SMPX: variants seen among roughly 807,000 people sequenced by gnomAD.
SMPX encodes small muscular protein.
A neutral mutation model predicts 6.3 loss-of-function variants in SMPX; 2 were observed. The ratio of observed to expected loss-of-function variants is 0.32; its 90% confidence interval spans 0.13 to 0.99. The LOEUF is 0.99. Ranked by LOEUF, SMPX falls within the 50% of genes least tolerant of loss-of-function variation. The pLI is 0.49. For missense variants in SMPX, 60 were observed against 66.8 expected (o/e 0.90, Z 0.36); for synonymous variants, 32 against 24.7 (o/e 1.30, Z -0.88).
chrX:21,728,902 T>C (rs1167207470), intron 4 of SMPX, among the ~76,000 whole-genome samples: 4 of 112,337 alleles, frequency 3.6e-5, no homozygotes, highest in Non-Finnish European at 7.5e-5. Context: ...ACCAGGCATA[T>C]CACAAGCATA....
intron 3 of SMPX, among the ~76,000 whole-genome samples, chrX:21,742,000 G>C (rs1043461929): frequency 8.9e-6 from 1 of 112,009 alleles, no homozygotes; most frequent in African/African-American, 3.3e-5. Context: ...TGCTTCCCCA[G>C]TCCCCTGAGA....
intron 2 of SMPX, among the ~76,000 whole-genome samples, chrX:21,746,100 G>T (rs1036575628): frequency 1.1e-4 from 12 of 111,558 alleles, no homozygotes; most frequent in African/African-American, 3.6e-4. Flanking sequence ...GTCCCCATTT[G>T]TAATATGAAT....
intron 1 of SMPX, 102 bp downstream of exon 1, chrX:21,757,840 C>T: frequency 3.5e-6 from 1 of 286,581 alleles, no homozygotes; most frequent in Non-Finnish European, 6.7e-6. Context: ...GCTACACCCA[C>T]TGGTTACAAG....
At chrX:21,715,028 C>T (rs1300865612) in intron 4 of SMPX, among the ~76,000 whole-genome samples, 1 of 110,375 alleles carries the variant, frequency 9.1e-6, no homozygotes, top group Non-Finnish European at 1.9e-5. Context: ...AAAAAGCTGC[C>T]GGGGGAAGTT....
intron 2 of SMPX, among the ~76,000 whole-genome samples, chrX:21,749,653 G>C (rs2092825309): frequency 8.9e-6 from 1 of 111,920 alleles, no homozygotes; most frequent in African/African-American, 3.2e-5. Flanking sequence ...TAATCCTGGG[G>C]GAGTTACTTC....
intron 2 of SMPX, among the ~76,000 whole-genome samples, chrX:21,749,271 G>T (rs768557670): frequency 8.9e-6 from 1 of 112,313 alleles, no homozygotes; most frequent in Non-Finnish European, 1.9e-5. Context: ...ATGGTTGTTT[G>T]AATTTCAAGA....
intron 2 of SMPX, among the ~76,000 whole-genome samples, chrX:21,744,231 C>T (rs922969464): frequency 4.5e-5 from 5 of 111,522 alleles, no homozygotes; most frequent in Admixed American, 1.9e-4. Context: ...TCATCCCACA[C>T]CTTAGCCCTC....
chrX:21,711,703 C>T (rs2092778949), intron 4 of SMPX, among the ~76,000 whole-genome samples: 2 of 111,808 alleles, frequency 1.8e-5, no homozygotes, highest in Non-Finnish European at 3.8e-5. Flanking sequence ...GGAGTCCACT[C>T]AACACTTGTC....
At chrX:21,735,055 G>A (rs920686172) in intron 4 of SMPX, among the ~76,000 whole-genome samples, 5 of 111,124 alleles carry the variant, frequency 4.5e-5, no homozygotes, top group African/African-American at 1.6e-4. Context: ...GACAACACAG[G>A]GTGAGGGTGG....
chrX:21,726,482 T>C (rs1406153584), intron 4 of SMPX, among the ~76,000 whole-genome samples: 1 of 112,451 alleles, frequency 8.9e-6, no homozygotes, highest in Non-Finnish European at 1.9e-5. Flanking sequence ...TGCTAATAGA[T>C]AGGGGATCTT....
In SMPX at chrX:21,743,752, C is replaced by A. The variant is rs2147390451; in HGVS notation, c.130G>T (p.Glu44Ter). ...RRKECTPEVE[E>*]GVPPTSDEEK... The stretch of plus-strand genomic sequence containing the variant: ...TCTGAGAGCTGAGTTTTCCTCACCT[C>A]CTCCACTTCAGGAGTACATTCTTTT... Residue 44 changes from glutamate (E) to a stop codon, truncating the protein, a stop_gained and splice_region_variant, in exon 3 of 5, where the codon GAG becomes TAG. Coordinates refer to ENST00000379494, the MANE Select transcript of SMPX (RefSeq NM_014332.3). LOFTEE classifies it high-confidence loss of function. 1 of 1,202,021 alleles carries A rather than the reference C, an allele frequency of 8.3e-7. No homozygotes were observed. Among genetic ancestry groups the A allele is most frequent in the Non-Finnish European group, 1.1e-6 (1 of 886,791 alleles).
intron 4 of SMPX, among the ~76,000 whole-genome samples, chrX:21,720,374 G>A (rs1233135998): frequency 8.9e-6 from 1 of 112,128 alleles, no homozygotes; most frequent in Non-Finnish European, 1.9e-5. Context: ...GAGCCATCCT[G>A]GAAGTAGATC....
chrX:21,714,749 TC>T (rs1185237778), intron 4 of SMPX, among the ~76,000 whole-genome samples: 7 of 112,709 alleles, frequency 6.2e-5, no homozygotes, highest in Non-Finnish European at 1.3e-4. Flanking sequence ...TCTTGAACAT[TC>T]CTTTGATTTC....
chrX:21,748,790 A>G (rs778436323), intron 2 of SMPX, among the ~76,000 whole-genome samples: 79 of 112,703 alleles, frequency 7.0e-4, no homozygotes, highest in Non-Finnish European at 1.4e-3. Context: ...TTAATTTTTA[A>G]TGTTTTAAAT....
intron 2 of SMPX, 54 bp from the exon 3 acceptor site, chrX:21,743,890 A>G: frequency 5.8e-6 from 5 of 865,135 alleles, no homozygotes; most frequent in South Asian, 4.1e-5. Flanking sequence ...AATTGCAATG[A>G]CATTCTGAGA....
chrX:21,749,440 T>G, intron 2 of SMPX, among the ~76,000 whole-genome samples: 1 of 112,057 alleles, frequency 8.9e-6, no homozygotes, highest in Non-Finnish European at 1.9e-5. Flanking sequence ...GCAGCATCCA[T>G]AAAACGGTAA....
At chrX:21,748,427 A>G (rs1436314240) in intron 2 of SMPX, among the ~76,000 whole-genome samples, 2 of 112,205 alleles carry the variant, frequency 1.8e-5, no homozygotes, top group Admixed American at 1.9e-4. Flanking sequence ...GCAGATTTCA[A>G]GAATGTACTG....
At chrX:21,716,662 A>C (rs141324102) in intron 4 of SMPX, among the ~76,000 whole-genome samples, 2,725 of 112,088 alleles carry the variant, frequency 0.024, 34 homozygotes, top group Non-Finnish European at 0.04. Flanking sequence ...TCTTCCAAAC[A>C]AGATTCAATC....
At chrX:21,752,893 G>A (rs1198846436) in intron 2 of SMPX, among the ~76,000 whole-genome samples, 1 of 111,490 alleles carries the variant, frequency 9.0e-6, no homozygotes, top group Non-Finnish European at 1.9e-5. Flanking sequence ...TTTTACAGAT[G>A]TGGAAATGGA....
Sources: allele counts gnomAD v4.1 joint callset (sites outside exome capture counted in the v4.1 genomes callset), GRCh38; gene constraint gnomAD v4.1.1; transcripts MANE v1.5; gene names NCBI Gene and HGNC (gene_info 2026-07-23, HGNC 2026-07-21).